Variants in NFIB observed in about 807,000 individuals in gnomAD.
NFIB encodes the protein nuclear factor I B.
Under a neutral mutation model 61.5 loss-of-function variants are expected in NFIB, and 11 were observed. The observed-to-expected ratio is 0.18, with a 90% confidence interval of 0.11 to 0.30. NFIB has a LOEUF of 0.30. Among genes scored for constraint, NFIB ranks in the 10% least tolerant of loss-of-function variants. The pLI, the probability that NFIB is intolerant of heterozygous loss-of-function variation, is 1.00. For synonymous variants in NFIB, 260 were observed against 216.5 expected, an observed-to-expected ratio of 1.20 and a Z score of -1.76; for missense variants, 471 against 608.9, an observed-to-expected ratio of 0.77 and a Z score of 2.38.
At chr9:14,464,010 G>A in the NFIB span, among the ~76,000 whole-genome samples, 1 of 152,152 alleles carries the variant, frequency 6.6e-6, no homozygotes, top group Admixed American at 6.5e-5. Context: ...GAGGCTGCTT[G>A]TAACATGTAG....
chr9:14,176,723 C>G (rs1303552536), intron 3 of NFIB, among the ~76,000 whole-genome samples: 2 of 152,014 alleles, frequency 1.3e-5, no homozygotes, highest in African/African-American at 4.8e-5. Flanking sequence ...TTAGGGTCAC[C>G]CTTCAGAAGT....
At chr9:14,346,055 C>T (rs914965447) in intron 1 of NFIB, among the ~76,000 whole-genome samples, 1 of 152,152 alleles carries the variant, frequency 6.6e-6, no homozygotes, top group Non-Finnish European at 1.5e-5. Flanking sequence ...TGAGGAGGCA[C>T]GACCCTGATC....
the NFIB span, among the ~76,000 whole-genome samples, chr9:14,511,795 T>A: frequency 0.54 from 82,321 of 152,050 alleles, 22,904 homozygotes; most frequent in Non-Finnish European, 0.62. Flanking sequence ...TGTCTTAATG[T>A]TTATACATTT....
At chr9:14,498,643 G>C in the NFIB span, among the ~76,000 whole-genome samples, 1 of 152,162 alleles carries the variant, frequency 6.6e-6, no homozygotes, top group Non-Finnish European at 1.5e-5. Flanking sequence ...TGGGTGTCTG[G>C]AAGTTCCAAA....
At chr9:14,360,423 T>C (rs1307394178) in intron 1 of NFIB, among the ~76,000 whole-genome samples, 1 of 152,196 alleles carries the variant, frequency 6.6e-6, no homozygotes, top group African/African-American at 2.4e-5. Flanking sequence ...TAATGCACAA[T>C]TAAAATACTT....
the NFIB span, among the ~76,000 whole-genome samples, chr9:14,519,666 G>A: frequency 6.6e-6 from 1 of 152,114 alleles, no homozygotes; most frequent in Admixed American, 6.5e-5. Context: ...ATTAGCATGA[G>A]GACCCAATAT....
chr9:14,498,820 TCCC>T, the NFIB span, among the ~76,000 whole-genome samples: 654 of 75,716 alleles, frequency 8.6e-3, 18 homozygotes, highest in African/African-American at 0.019. Context: ...CCTCCCTTCC[TCCC>T]TTCCTCCCTT....
intron 3 of NFIB, among the ~76,000 whole-genome samples, chr9:14,165,620 C>T (rs935741378): frequency 1.7e-4 from 26 of 152,092 alleles, no homozygotes; most frequent in African/African-American, 5.6e-4. Flanking sequence ...GCAAATAATA[C>T]AGACTCTTCA....
chr9:14,133,782 T>C (rs1268496231), intron 6 of NFIB, among the ~76,000 whole-genome samples: 1 of 152,214 alleles, frequency 6.6e-6, no homozygotes, highest in Non-Finnish European at 1.5e-5. Context: ...GCCTGCCAGA[T>C]ACTTAAGATC....
chr9:14,480,319 C>A, the NFIB span, among the ~76,000 whole-genome samples: 3 of 152,022 alleles, frequency 2.0e-5, no homozygotes, highest in South Asian at 6.2e-4. Context: ...TTAGCTGTAC[C>A]ATGCTGCTTC....
intron 10 of NFIB, among the ~76,000 whole-genome samples, chr9:14,103,575 CAAAG>C (rs1376491715): frequency 2.0e-5 from 3 of 151,960 alleles, no homozygotes; most frequent in African/African-American, 7.3e-5. Flanking sequence ...ATGTTGTGGC[CAAAG>C]AAATAGGCTA....
the NFIB span, among the ~76,000 whole-genome samples, chr9:14,488,209 A>C: frequency 3.3e-5 from 5 of 152,012 alleles, no homozygotes; most frequent in Non-Finnish European, 7.4e-5. Flanking sequence ...ACAAAACATT[A>C]AAAATTAGCC....
intron 10 of NFIB, chr9:14,102,517 A>T: frequency 1.9e-6 from 3 of 1,550,174 alleles, no homozygotes; most frequent in Non-Finnish European, 2.6e-6. Flanking sequence ...TCAGCTGTCA[A>T]TTGAAACCTA....
At chr9:14,504,978 T>C in the NFIB span, among the ~76,000 whole-genome samples, 22 of 152,344 alleles carry the variant, frequency 1.4e-4, no homozygotes, top group East Asian at 3.9e-3. Flanking sequence ...TTGTCATAGA[T>C]GACTTTTATT....
intron 2 of NFIB, among the ~76,000 whole-genome samples, chr9:14,288,377 T>G (rs113927319): frequency 0.02 from 2,968 of 152,150 alleles, 99 homozygotes; most frequent in African/African-American, 0.067. Flanking sequence ...AGCCATTTAG[T>G]ATTAAATATT....
chr9:14,217,411 A>G (rs1404301062), intron 2 of NFIB, among the ~76,000 whole-genome samples: 7 of 152,182 alleles, frequency 4.6e-5, no homozygotes, highest in African/African-American at 1.7e-4. Flanking sequence ...CTGTAATCCC[A>G]GCATTTTGGG....
chr9:14,229,221 A>T (rs932971443), intron 2 of NFIB, among the ~76,000 whole-genome samples: 1 of 152,200 alleles, frequency 6.6e-6, no homozygotes, highest in African/African-American at 2.4e-5. Flanking sequence ...TCGGAACTCA[A>T]TGAATTCTAT....
the NFIB span, among the ~76,000 whole-genome samples, chr9:14,478,052 A>T: frequency 6.6e-6 from 1 of 152,124 alleles, no homozygotes; most frequent in Non-Finnish European, 1.5e-5. Context: ...AAGCCAAGAA[A>T]GGCTCCCTAT....
chr9:14,521,992 C>A, the NFIB span, among the ~76,000 whole-genome samples: 2 of 152,156 alleles, frequency 1.3e-5, no homozygotes, highest in Non-Finnish European at 2.9e-5. Flanking sequence ...CAATCTGGCA[C>A]AAGCAAATGT....
Sources: gnomAD v4.1 joint callset for allele counts (sites outside exome capture counted in the v4.1 genomes callset) on GRCh38, gnomAD v4.1.1 for gene constraint, MANE v1.5 for transcripts, NCBI Gene and HGNC (gene_info 2026-07-23, HGNC 2026-07-21) for gene names.